The following C6 variants were observed in gnomAD, a reference collection of about 807,000 sequenced individuals.
C6 encodes complement component C6.
A neutral mutation model predicts 112.9 loss-of-function variants in C6; 101 were observed. The observed-to-expected ratio is 0.89, with a 90% confidence interval of 0.76 to 1.06. The LOEUF is 1.06. Among genes scored for constraint, C6 ranks in the 50% least tolerant of loss-of-function variants. The pLI, the probability that C6 is intolerant of heterozygous loss-of-function variation, is 0.00. For synonymous variants in C6, 431 were observed against 384.1 expected (o/e 1.12, Z -1.43); for missense variants, 1,202 against 1,104.6 (o/e 1.09, Z -1.25).
intron 1 of C6, among the ~76,000 whole-genome samples, chr5:41,206,976 G>C (rs1241042349): frequency 5.9e-5 from 9 of 152,312 alleles, no homozygotes; most frequent in Non-Finnish European, 8.8e-5. Context: ...CAGCCAGAGA[G>C]AAAGGTCGGG....
At chr5:41,214,149 A>G (rs1479351018), upstream of C6, among the ~76,000 whole-genome samples, 2 of 152,150 alleles carry the variant, frequency 1.3e-5, no homozygotes, top group Admixed American at 6.6e-5. Context: ...AACTATAGGG[A>G]CTGAGAATGT....
Position 41,176,658 on chromosome 5 carries a change from C to T in C6, c.985G>A (p.Ala329Thr), listed in dbSNP as rs761226623. The stretch of plus-strand genomic sequence containing the variant: ...ACATCAGAAAGGTGCAGATCTTTAG[C>T]TTTCGTTGTGAAGTTTAAGACTTTC... ...VMKVLNFTTK[A>T]KDLHLSDVFL... The change falls in exon 8 of 18, where the codon GCT (alanine) becomes ACT (threonine). Residue 329 changes from alanine to threonine, a missense_variant. Physicochemically the swap from Ala to Thr is moderately conservative, Grantham distance 58. Transcript: ENST00000337836. 6.8e-6 allele frequency: 11 copies of T among 1,613,574 alleles called. No homozygotes were observed. In the East Asian group the frequency reaches 2.5e-4, roughly 36 times the overall value.
intron 1 of C6, among the ~76,000 whole-genome samples, chr5:41,204,806 A>T (rs150408644): frequency 0.057 from 8,660 of 151,310 alleles, 315 homozygotes; most frequent in African/African-American, 0.1. Context: ...AGGAGGTGGG[A>T]CTACAGGTGC....
At chr5:41,154,147 G>A (rs1746675716) in intron 14 of C6, 149 bp from the exon 15 acceptor site, 2 of 701,888 alleles carry the variant, frequency 2.8e-6, no homozygotes, top group South Asian at 1.6e-5. Flanking sequence ...AAACCTGGGG[G>A]ATAAGAATCC....
At chr5:41,189,660 C>G (rs769836462) in intron 5 of C6, among the ~76,000 whole-genome samples, 1 of 151,936 alleles carries the variant, frequency 6.6e-6, no homozygotes, top group East Asian at 1.9e-4. Context: ...AAAATATGTA[C>G]TAAATTATTG....
At chr5:41,144,901 C>A (rs74879663) in intron 17 of C6, among the ~76,000 whole-genome samples, 5,756 of 152,296 alleles carry the variant, frequency 0.038, 371 homozygotes, top group African/African-American at 0.13. Flanking sequence ...CATGTTGCTG[C>A]AAAAGACATG....
In C6 at chr5:41,153,859, C is replaced by G; in HGVS notation, c.2241G>C (p.Gln747His). 1 of 1,613,700 alleles carries G rather than the reference C, an allele frequency of 6.2e-7. No individual in the cohort carries two copies. Among genetic ancestry groups the G allele is most frequent in the Non-Finnish European group, 8.5e-7 (1 of 1,179,820 alleles). ...VVAGPSRYTC[Q>H]GNSWTPPISN... ...AAATGGGTGGTGTCCAGGAATTCCC[C>G]TGGCATGTGTACCTTGATGGCCCAG... The change falls in exon 15 of 18, where the codon CAG (glutamine) becomes CAC (histidine). Residue 747 changes from glutamine (Q) to histidine (H), a missense_variant. Transcript: ENST00000337836.
At position 41,149,352 on chromosome 5, in the gene C6, G is replaced by C. The variant is rs1479794115; in HGVS notation, c.2512C>G (p.Gln838Glu). ...CCCCATTCTAACTGGCGGCCGTCTT[G>C]GCAGGAACCAATATGTAGAAAATGG... ...QLHFLHIGSC[Q>E]DGRQLEWGLE... The change falls in exon 17 of 18, where the codon CAA becomes GAA. Residue 838 changes from glutamine (Q) to glutamate (E), a missense_variant. Gln to Glu is a conservative substitution (Grantham distance 29, BLOSUM62 2). Transcript: ENST00000337836. 2.5e-6 allele frequency: 4 copies of C among 1,614,042 alleles called. No homozygotes were observed. The highest frequency in any genetic ancestry group is 3.4e-6 in the Non-Finnish European group (4 of 1,179,980).
At chr5:41,254,859 G>T (rs1741584203) in intron 1 of C6, among the ~76,000 whole-genome samples, 1 of 152,174 alleles carries the variant, frequency 6.6e-6, no homozygotes, top group African/African-American at 2.4e-5. Flanking sequence ...TGCTACTATG[G>T]ATCTCAGTGA....
chr5:41,209,628 A>G (rs963216735), intron 1 of C6, among the ~76,000 whole-genome samples: 2 of 152,210 alleles, frequency 1.3e-5, no homozygotes, highest in African/African-American at 4.8e-5. Context: ...TGCTTCAAAG[A>G]GAATGAAATA....
rs2120824 is a variant in C6 at position 41,203,609 on chromosome 5, G to A, written c.-20-359C>T. 203 of 242,316 alleles carry A rather than the reference G, an allele frequency of 8.4e-4. 1 individual carries two copies. Among genetic ancestry groups the A allele is most frequent in the African/African-American group, 4.4e-3 (197 of 44,632 alleles). The allele number at this position is 242,316 out of a possible 1,614,324, so 15.0% of individuals were successfully genotyped here. On this transcript the variant is annotated intron_variant, in intron 1 of 17. Transcript: ENST00000337836. ...CAAAACACCTGCTCCTTTTGTGTGA[G>A]CAATAGCCTCAAGTACATTTCAGCT...
rs1383403221 is a variant in C6 at position 41,161,701 on chromosome 5, C to A, written c.1450G>T (p.Asp484Tyr). The change falls in exon 10 of 18, where the codon GAC becomes TAC. Residue 484 changes from aspartate (D) to tyrosine (Y), a missense_variant. By Grantham distance (160) the Asp-to-Tyr change is radical (BLOSUM62 -3). Transcript: ENST00000337836. ...ATAATTTTTACTCTTACCTCAAAGT[C>A]AATCACAGCAGGATTTTCCTTCACT... is the stretch of plus-strand genomic sequence containing the variant. ...ESVKENPAVI[D>Y]FELAPIVDLV... 2 of 1,613,266 alleles carry A rather than the reference C, an allele frequency of 1.2e-6. No homozygotes were observed. The highest frequency in any genetic ancestry group is 1.1e-5 in the South Asian group (1 of 91,038).
At chr5:41,220,491 T>G (rs188543905) in intron 1 of C6, among the ~76,000 whole-genome samples, 10 of 152,282 alleles carry the variant, frequency 6.6e-5, no homozygotes, top group Admixed American at 5.9e-4. Flanking sequence ...ACAGACTTAC[T>G]AACGTTTTGT....
At chr5:41,162,260 C>G (rs973830275) in intron 9 of C6, among the ~76,000 whole-genome samples, 1 of 152,198 alleles carries the variant, frequency 6.6e-6, no homozygotes, top group African/African-American at 2.4e-5. Context: ...GCCCCTTACT[C>G]TTTAATGTCA....
At chr5:41,260,803 C>CA (rs1236450914) in intron 1 of C6, among the ~76,000 whole-genome samples, 1 of 151,030 alleles carries the variant, frequency 6.6e-6, no homozygotes, top group Non-Finnish European at 1.5e-5. Flanking sequence ...AAAAACAAAC[C>CA]AAAAAAACCC....
intron 17 of C6, among the ~76,000 whole-genome samples, chr5:41,144,808 T>G (rs1745665583): frequency 6.6e-6 from 1 of 152,212 alleles, no homozygotes; most frequent in Middle Eastern, 3.2e-3. Flanking sequence ...ATTGTTTAGC[T>G]CCTGCTTACA....
At chr5:41,170,547 T>G (rs2150297342) in intron 9 of C6, among the ~76,000 whole-genome samples, 1 of 152,226 alleles carries the variant, frequency 6.6e-6, no homozygotes, top group Non-Finnish European at 1.5e-5. Flanking sequence ...GATTATTTGC[T>G]TTGCATGCTA....
At position 41,142,712 on chromosome 5, in the gene C6, G is replaced by A. The variant is rs1452335380; in HGVS notation, c.*113C>T. The A allele has an allele frequency of 6.0e-6, 5 of 834,220 alleles. No homozygotes were observed. The highest frequency in any genetic ancestry group is 3.3e-5 in the African/African-American group (2 of 59,850). The allele number at this position is 834,220 out of a possible 1,614,324, so 51.7% of individuals were successfully genotyped here. On this transcript the variant is annotated 3_prime_UTR_variant, in exon 18 of 18. Coordinates refer to ENST00000337836, the MANE Select transcript of C6 (RefSeq NM_000065.5). ...CTCAAACTAACAGAAAATAATTTTT[G>A]TCAGTAACTTTGAGCATGCCAGTCT...
In C6 at chr5:41,160,310, T is replaced by G. The variant is rs1169238328; in HGVS notation, c.1516A>C (p.Asn506His). 5 of 1,613,748 alleles carry G rather than the reference T, an allele frequency of 3.1e-6. No homozygotes were observed. Among genetic ancestry groups the G allele is most frequent in the Admixed American group, 1.7e-5 (1 of 59,956 alleles). ...TACTCTTGCAAAGCTTTCCTGAGGTTGTTCCGTTTTGTCACTGCACAGGGG... is the reference window on the plus strand; with the variant it reads ...TACTCTTGCAAAGCTTTCCTGAGGTGGTTCCGTTTTGTCACTGCACAGGGG... ...NIPCAVTKRN[N>H]LRKALQEYAA... Residue 506 changes from asparagine (N) to histidine (H), a missense_variant, in exon 11 of 18, where the codon AAC becomes CAC. By Grantham distance (68) the Asn-to-His change is moderately conservative (BLOSUM62 1). Coordinates refer to ENST00000337836, the MANE Select transcript of C6 (RefSeq NM_000065.5).
Sources: gnomAD v4.1 joint callset for allele counts (sites outside exome capture counted in the v4.1 genomes callset) on GRCh38, gnomAD v4.1.1 for gene constraint, MANE v1.5 for transcripts, NCBI Gene and HGNC (gene_info 2026-07-23, HGNC 2026-07-21) for gene names.